The following GARIN1A variants were observed in gnomAD, a reference collection of about 807,000 sequenced individuals.
GARIN1A encodes the protein golgi associated RAB2 interactor 1A.
chr7:128,705,286 T>G, the GARIN1A span, among the ~76,000 whole-genome samples: 1 of 152,164 alleles, frequency 6.6e-6, no homozygotes, highest in South Asian at 2.1e-4. Context: ...TTCTTGTCCT[T>G]TCCTTGTCTT....
At chr7:128,703,259 A>G in the GARIN1A span, among the ~76,000 whole-genome samples, 1 of 152,252 alleles carries the variant, frequency 6.6e-6, no homozygotes, top group Non-Finnish European at 1.5e-5. Context: ...TCAGGTACAC[A>G]TGGAATGTTT....
the GARIN1A span, among the ~76,000 whole-genome samples, chr7:128,699,259 T>TCCC: frequency 2.7e-5 from 1 of 37,114 alleles, no homozygotes; most frequent in Admixed American, 2.2e-4. Context: ...CCATACCTGC[T>TCCC]GCCCCCCCCC....
At chr7:128,680,092 A>G in the GARIN1A span, 6 of 1,582,186 alleles carry the variant, frequency 3.8e-6, no homozygotes, top group Non-Finnish European at 5.1e-6. Flanking sequence ...CTGGCGGCTG[A>G]GCAGACCAGT....
chr7:128,674,978 G>A, the GARIN1A span, among the ~76,000 whole-genome samples: 1 of 152,070 alleles, frequency 6.6e-6, no homozygotes, highest in Non-Finnish European at 1.5e-5. Context: ...TCTGGCCTTG[G>A]GAACATAGGC....
chr7:128,703,503 G>A, the GARIN1A span, among the ~76,000 whole-genome samples: 33 of 152,326 alleles, frequency 2.2e-4, no homozygotes, highest in African/African-American at 7.7e-4. Context: ...ATATCAAAAT[G>A]TACAGGGCAG....
At chr7:128,680,234 G>A in the GARIN1A span, 1 of 666,912 alleles carries the variant, frequency 1.5e-6, no homozygotes. Flanking sequence ...TTCCTTCTTT[G>A]TATTCTTTGT....
the GARIN1A span, among the ~76,000 whole-genome samples, chr7:128,689,275 C>G: frequency 6.6e-6 from 1 of 150,734 alleles, no homozygotes; most frequent in Non-Finnish European, 1.5e-5. Flanking sequence ...GTCTGGGATG[C>G]GAGGAGCCCC....
chr7:128,704,228 G>C, the GARIN1A span, among the ~76,000 whole-genome samples: 3 of 151,840 alleles, frequency 2.0e-5, no homozygotes, highest in Non-Finnish European at 4.4e-5. Flanking sequence ...GATGGAGGGT[G>C]GGGGGGCGGG....
At chr7:128,685,884 T>C in the GARIN1A span, 1 of 152,230 alleles carries the variant, frequency 6.6e-6, no homozygotes. Context: ...TGTCTTGGTT[T>C]AAGCCTTCAT....
chr7:128,681,411 G>T, the GARIN1A span, among the ~76,000 whole-genome samples: 1 of 144,822 alleles, frequency 6.9e-6, no homozygotes, highest in Non-Finnish European at 1.5e-5. Context: ...TCTTTCTCTC[G>T]TTTCTTTCTT....
At chr7:128,699,170 T>A in the GARIN1A span, among the ~76,000 whole-genome samples, 1 of 151,558 alleles carries the variant, frequency 6.6e-6, no homozygotes, top group African/African-American at 2.4e-5. Flanking sequence ...TAATAAAAAA[T>A]TTTAAATATG....
chr7:128,697,372 A>G, the GARIN1A span: 5 of 152,402 alleles, frequency 3.3e-5, no homozygotes, highest in East Asian at 9.6e-4. Flanking sequence ...TCACCCGGCC[A>G]TGTAAGCAGA....
the GARIN1A span, chr7:128,685,036 G>C: frequency 6.6e-6 from 1 of 152,134 alleles, no homozygotes; most frequent in Non-Finnish European, 1.5e-5. Flanking sequence ...CAAGTAGCTG[G>C]GATTACAGGT....
chr7:128,685,147 C>A, the GARIN1A span: 1 of 152,232 alleles, frequency 6.6e-6, no homozygotes, highest in African/African-American at 2.4e-5. Flanking sequence ...GTTATCCACC[C>A]TCCTCGGCCT....
chr7:128,705,774 C>T, the GARIN1A span, among the ~76,000 whole-genome samples: 1 of 150,854 alleles, frequency 6.6e-6, no homozygotes, highest in Admixed American at 6.6e-5. Flanking sequence ...AGGTGATCCT[C>T]CCACCTCAGC....
the GARIN1A span, among the ~76,000 whole-genome samples, chr7:128,708,179 A>ATTTTTTTTTTTTTTTTTTTTTTTTTT: frequency 7.7e-6 from 1 of 129,594 alleles, no homozygotes. Flanking sequence ...CACCTGGACA[A>ATTTTTTTTTTTTTTTTTTTTTTTTTT]TTTTTTTTTT....
At chr7:128,674,490 C>A in the GARIN1A span, among the ~76,000 whole-genome samples, 2 of 152,136 alleles carry the variant, frequency 1.3e-5, no homozygotes, top group Admixed American at 1.3e-4. Flanking sequence ...AGTACAGTTA[C>A]ACTGCTTCCT....
the GARIN1A span, among the ~76,000 whole-genome samples, chr7:128,701,340 G>A: frequency 3.1e-5 from 2 of 65,102 alleles, no homozygotes; most frequent in African/African-American, 6.3e-5. Context: ...GAGGGGAGGG[G>A]AGGGGGAGGG....
chr7:128,682,987 T>G, the GARIN1A span: 2 of 1,606,466 alleles, frequency 1.2e-6, no homozygotes, highest in Non-Finnish European at 1.7e-6. Flanking sequence ...GCCATTGAAA[T>G]AGACAACTGC....
Sources: gnomAD v4.1 joint callset for allele counts (sites outside exome capture counted in the v4.1 genomes callset) on GRCh38, gnomAD v4.1.1 for gene constraint, MANE v1.5 for transcripts, NCBI Gene and HGNC (gene_info 2026-07-23, HGNC 2026-07-21) for gene names.